Variants in ARHGEF4 observed in about 807,000 individuals in gnomAD.
ARHGEF4 encodes APC-stimulated guanine nucleotide exchange factor 1.
Under a neutral mutation model 162.0 loss-of-function variants are expected in ARHGEF4, and 119 were observed. That is an observed-to-expected ratio of 0.73 (90% CI 0.63 to 0.86). The LOEUF is 0.86. Among genes scored for constraint, ARHGEF4 ranks in the 40% least tolerant of loss-of-function variants. The pLI is 0.00. For missense variants in ARHGEF4, 2,488 were observed against 2,456.0 expected (o/e 1.01, Z -0.28); for synonymous variants, 1,014 against 979.9 (o/e 1.03, Z -0.65).
intron 1 of ARHGEF4, among the ~76,000 whole-genome samples, chr2:130,895,359 C>G (rs2104999780): frequency 1.3e-5 from 2 of 152,324 alleles, no homozygotes; most frequent in Middle Eastern, 6.8e-3. Flanking sequence ...GCCAGTTTGT[C>G]TATCATGACT....
chr2:131,039,100 T>C (rs1345262436), intron 6 of ARHGEF4, 68 bp downstream of exon 6: 3 of 1,498,106 alleles, frequency 2.0e-6, no homozygotes, highest in Non-Finnish European at 2.7e-6. Flanking sequence ...TGCAGAGAAA[T>C]CCAAGCCCAA....
intron 4 of ARHGEF4, among the ~76,000 whole-genome samples, chr2:130,989,025 G>A (rs1041704960): frequency 2.0e-5 from 3 of 151,576 alleles, no homozygotes; most frequent in Admixed American, 1.3e-4. Context: ...GCAATGGCAC[G>A]ATCTTGGCTC....
At chr2:131,012,899 CA>C (rs1174850559) in intron 4 of ARHGEF4, among the ~76,000 whole-genome samples, 1 of 152,166 alleles carries the variant, frequency 6.6e-6, no homozygotes, top group Admixed American at 6.5e-5. Context: ...GGACATTCAG[CA>C]GTTGACTGTG....
rs901742351 is a variant in ARHGEF4, at chr2:130,843,467, G to C, written c.39+6475G>C. ...CCAGCTGTCTGCCAGCAGGCCTTCC[G>C]TGCCTCCCCTGGGCTGTGCCTCCTG... On this transcript the variant is annotated intron_variant, in intron 1 of 13. Coordinates refer to ENST00000409359, the MANE Select transcript of ARHGEF4 (RefSeq NM_001367493.1). 4.6e-5 allele frequency among the ~76,000 whole-genome samples: 7 copies of C among 152,170 alleles called. No homozygotes were observed. The East Asian group carries it at 1.4e-3, about 29-fold the overall frequency.
At chr2:130,892,717 G>C (rs1051223931) in intron 1 of ARHGEF4, among the ~76,000 whole-genome samples, 1 of 152,116 alleles carries the variant, frequency 6.6e-6, no homozygotes, top group Non-Finnish European at 1.5e-5. Context: ...TAGCCCTCCT[G>C]GCCCCCAGCA....
intron 1 of ARHGEF4, among the ~76,000 whole-genome samples, chr2:130,850,703 A>T (rs562820894): frequency 1.3e-5 from 2 of 152,336 alleles, no homozygotes. Flanking sequence ...CCCTACCTTC[A>T]GATGCCCTCG....
intron 2 of ARHGEF4, among the ~76,000 whole-genome samples, chr2:130,928,556 G>A (rs955863268): frequency 2.0e-5 from 3 of 152,134 alleles, no homozygotes; most frequent in African/African-American, 4.8e-5. Flanking sequence ...ACAGTCACGT[G>A]GCTGACTGTG....
chr2:130,952,498 G>A (rs967318071), intron 4 of ARHGEF4, among the ~76,000 whole-genome samples: 5 of 152,000 alleles, frequency 3.3e-5, no homozygotes, highest in African/African-American at 7.3e-5. Context: ...TTTGACAACT[G>A]GCACAAGATA....
At chr2:130,927,034 G>A (rs113624367) in intron 2 of ARHGEF4, among the ~76,000 whole-genome samples, 6,218 of 151,760 alleles carry the variant, frequency 0.041, 420 homozygotes, top group African/African-American at 0.14. Flanking sequence ...TGGTTGGGGA[G>A]GGGTTTGGAA....
intron 3 of ARHGEF4, among the ~76,000 whole-genome samples, chr2:130,931,711 AC>A (rs1216155496): frequency 6.6e-6 from 1 of 152,256 alleles, no homozygotes; most frequent in Non-Finnish European, 1.5e-5. Context: ...TGTCTCTAGG[AC>A]ACTTTGACAA....
chr2:130,985,444 G>A (rs1232505162), intron 4 of ARHGEF4, among the ~76,000 whole-genome samples: 1 of 152,086 alleles, frequency 6.6e-6, no homozygotes, highest in South Asian at 2.1e-4. Context: ...TGCAGCCGAG[G>A]AAATGGGAGC....
Position 130,915,388 on chromosome 2 carries a change from G to T in ARHGEF4, c.1442G>T (p.Arg481Ile). ...CCCCAAGGCACCCAACTCGCACCAAGAGCTGCTGATGAGAGAGAGACACAG... is the reference window on the plus strand; with the variant it reads ...CCCCAAGGCACCCAACTCGCACCAATAGCTGCTGATGAGAGAGAGACACAG... ...QEPQGTQLAPRAADERETQKH... is the reference protein window; with the variant it reads ...QEPQGTQLAPIAADERETQKH... Residue 481 changes from arginine to isoleucine, a missense_variant, in exon 2 of 14, where the codon AGA (arginine) becomes ATA (isoleucine). Physicochemically the swap from Arg to Ile is moderately conservative, Grantham distance 97. This residue lies in a region of ARHGEF4 where 1,642 missense variants were observed against 1,481.5 expected (regional missense o/e 1.11). Coordinates refer to ENST00000409359, the MANE Select transcript of ARHGEF4 (RefSeq NM_001367493.1). 1.3e-6 allele frequency: 2 copies of T among 1,550,654 alleles called. No homozygotes were observed. Among genetic ancestry groups the T allele is most frequent in the South Asian group, 2.4e-5 (2 of 84,044 alleles).
At chr2:130,980,077 A>T (rs1686024758) in intron 4 of ARHGEF4, among the ~76,000 whole-genome samples, 1 of 152,194 alleles carries the variant, frequency 6.6e-6, no homozygotes, top group African/African-American at 2.4e-5. Flanking sequence ...TTCTAGTAAC[A>T]TAACTGTAAA....
rs74704854 is a variant in ARHGEF4 at position 130,867,539 on chromosome 2, A to C, written c.39+30547A>C. Among the ~76,000 whole-genome samples, 435 of 152,154 alleles carry C rather than the reference A, an allele frequency of 2.9e-3. 7 individuals are homozygous for C. The East Asian group carries it at 0.073, about 25-fold the overall frequency. ...ATGTGAGACACCATGCCTGGCCAAT[A>C]TATTGTATTTTCATTTTCATTCAGT... On this transcript the variant is annotated intron_variant, in intron 1 of 13. Coordinates refer to ENST00000409359, the MANE Select transcript of ARHGEF4 (RefSeq NM_001367493.1).
chr2:131,047,022 T>C lies in ARHGEF4; in HGVS notation c.*833T>C, dbSNP rs1043780126. On this transcript the variant is annotated 3_prime_UTR_variant, in exon 14 of 14. Coordinates refer to ENST00000409359, the MANE Select transcript of ARHGEF4 (RefSeq NM_001367493.1). ...TTACGCTCGTGAGCGTGAGAAGCCA[T>C]AAGAGAGAGACCGAATTCTGTGGCT... is the stretch of plus-strand genomic sequence containing the variant. 2 of 152,514 alleles carry C rather than the reference T, an allele frequency of 1.3e-5. No individual in the cohort carries two copies. Among genetic ancestry groups the C allele is most frequent in the African/African-American group, 4.8e-5 (2 of 41,442 alleles). 9.4% of individuals were successfully genotyped at this position (152,514 alleles called of 1,614,324 possible).
chr2:130,856,369 G>C (rs1681785105), intron 1 of ARHGEF4, among the ~76,000 whole-genome samples: 1 of 152,134 alleles, frequency 6.6e-6, no homozygotes. Context: ...ACACTATTAA[G>C]TGCACCAACA....
At chr2:130,843,572 C>A (rs543811130) in intron 1 of ARHGEF4, among the ~76,000 whole-genome samples, 1 of 152,350 alleles carries the variant, frequency 6.6e-6, no homozygotes, top group South Asian at 2.1e-4. Context: ...CTCCTCTCCC[C>A]CACTGCTCTT....
At chr2:130,936,757 G>A (rs188709613) in intron 3 of ARHGEF4, among the ~76,000 whole-genome samples, 1 of 152,148 alleles carries the variant, frequency 6.6e-6, no homozygotes, top group Admixed American at 6.5e-5. Context: ...CTCAGTGTAA[G>A]TCTTTATGTT....
intron 4 of ARHGEF4, among the ~76,000 whole-genome samples, chr2:131,003,131 G>C (rs901603051): frequency 3.9e-5 from 6 of 152,114 alleles, no homozygotes; most frequent in Non-Finnish European, 8.8e-5. Flanking sequence ...TTGACGATGG[G>C]GCATTCGCTG....
Sources: gnomAD v4.1 joint callset for allele counts (sites outside exome capture counted in the v4.1 genomes callset) on GRCh38, gnomAD v4.1.1 for gene constraint, gnomAD v4.1.1 regional missense constraint, MANE v1.5 for transcripts, NCBI Gene and HGNC (gene_info 2026-07-23, HGNC 2026-07-21) for gene names.